Variants in PRKAR1B observed in about 807,000 individuals in gnomAD.
PRKAR1B encodes the protein cAMP-dependent protein kinase type I-beta regulatory subunit.
A neutral mutation model predicts 46.5 loss-of-function variants in PRKAR1B; 22 were observed. The observed-to-expected ratio is 0.47, with a 90% CI of 0.34 to 0.68. PRKAR1B has a LOEUF of 0.68. Ranked by LOEUF, PRKAR1B falls within the 30% of genes least tolerant of loss-of-function variation. The pLI is 0.01. For missense variants in PRKAR1B, 445 were observed against 535.6 expected (o/e 0.83, Z 1.67); for synonymous variants, 259 against 217.7 (o/e 1.19, Z -1.67).
intron 9 of PRKAR1B, among the ~76,000 whole-genome samples, chr7:564,708 A>G (rs903300612): frequency 8.5e-5 from 13 of 152,100 alleles, no homozygotes; most frequent in African/African-American, 2.7e-4. Flanking sequence ...ATGCATCTAT[A>G]AATCCTCACA....
chr7:628,988 C>T (rs1207286933), intron 4 of PRKAR1B, among the ~76,000 whole-genome samples: 1 of 152,198 alleles, frequency 6.6e-6, no homozygotes, highest in Non-Finnish European at 1.5e-5. Flanking sequence ...CCTGTGAGCC[C>T]GTGCCACTCC....
intron 2 of PRKAR1B, among the ~76,000 whole-genome samples, chr7:696,018 G>A (rs920381500): frequency 1.4e-5 from 2 of 147,412 alleles, no homozygotes; most frequent in Admixed American, 1.4e-4. Context: ...ACCCAGGCTG[G>A]AGTATAGTGG....
intron 9 of PRKAR1B, among the ~76,000 whole-genome samples, chr7:573,447 G>A (rs1011348353): frequency 5.3e-5 from 8 of 151,932 alleles, no homozygotes; most frequent in South Asian, 2.1e-4. Flanking sequence ...GAGCCTTTCC[G>A]GGAAGCCTGT....
At chr7:637,963 C>T (rs1398658564) in intron 4 of PRKAR1B, among the ~76,000 whole-genome samples, 1 of 152,254 alleles carries the variant, frequency 6.6e-6, no homozygotes, top group Non-Finnish European at 1.5e-5. Flanking sequence ...TCTTCTGCAG[C>T]CTCTGAAGTG....
At chr7:588,255 G>A (rs542152874) in intron 7 of PRKAR1B, among the ~76,000 whole-genome samples, 9 of 152,266 alleles carry the variant, frequency 5.9e-5, no homozygotes, top group Non-Finnish European at 1.3e-4. Flanking sequence ...CAGCATGGAG[G>A]ACACAGTGGG....
intron 2 of PRKAR1B, chr7:691,864 G>A: frequency 8.6e-7 from 1 of 1,156,176 alleles, no homozygotes; most frequent in Non-Finnish European, 1.1e-6. Flanking sequence ...CATGACAACG[G>A]GCCATCTCAC....
At chr7:639,929 T>C (rs183020930) in intron 4 of PRKAR1B, among the ~76,000 whole-genome samples, 2,652 of 148,794 alleles carry the variant, frequency 0.018, 73 homozygotes, top group African/African-American at 0.062. Context: ...CTTTGGGAGG[T>C]CAAGGTGGGC....
chr7:661,272 C>A, intron 4 of PRKAR1B, among the ~76,000 whole-genome samples: 1 of 51,888 alleles, frequency 1.9e-5, no homozygotes, highest in Admixed American at 1.8e-4. Flanking sequence ...TGGCACAGGT[C>A]CCCACCCCAA....
At chr7:597,325 C>A (rs550997848) in intron 6 of PRKAR1B, among the ~76,000 whole-genome samples, 1 of 152,198 alleles carries the variant, frequency 6.6e-6, no homozygotes, top group African/African-American at 2.4e-5. Context: ...AGGTGTAACT[C>A]CACAATTAGG....
intron 4 of PRKAR1B, among the ~76,000 whole-genome samples, chr7:611,439 G>GA (rs996859481): frequency 6.6e-6 from 1 of 152,250 alleles, no homozygotes; most frequent in African/African-American, 2.4e-5. Flanking sequence ...CAGTTTCCAG[G>GA]AAACGGCCTG....
intron 4 of PRKAR1B, among the ~76,000 whole-genome samples, chr7:608,803 G>A (rs1378194063): frequency 1.4e-5 from 1 of 73,416 alleles, no homozygotes. Context: ...GTCAGTGTGT[G>A]GCAGGGCTGT....
At chr7:685,840 C>A (rs1415329105) in intron 2 of PRKAR1B, among the ~76,000 whole-genome samples, 1 of 152,084 alleles carries the variant, frequency 6.6e-6, no homozygotes, top group African/African-American at 2.4e-5. Context: ...TTTTAACTTT[C>A]AGAATTTACT....
chr7:612,774 T>A (rs1185153693), intron 4 of PRKAR1B, among the ~76,000 whole-genome samples: 1 of 152,150 alleles, frequency 6.6e-6, no homozygotes, highest in Non-Finnish European at 1.5e-5. Context: ...GGGATGACTA[T>A]GAAAAGATGT....
At position 667,060 on chromosome 7, in the gene PRKAR1B, T is replaced by C. The variant is rs1370114658; in HGVS notation, c.440+10169A>G. Among the ~76,000 whole-genome samples, 1 of 151,808 alleles carries C rather than the reference T, an allele frequency of 6.6e-6. No individual in the cohort carries two copies. Among genetic ancestry groups the C allele is most frequent in the African/African-American group, 2.4e-5 (1 of 41,274 alleles). Reference sequence around the variant, plus strand: ...ATGATAATGATGGTGATGATGACAGTGATGATGGTGATGGTGGGGATGGTG... The same window carrying C: ...ATGATAATGATGGTGATGATGACAGCGATGATGGTGATGGTGGGGATGGTG... On this transcript the variant is annotated intron_variant, in intron 4 of 10. Transcript: ENST00000537384. The surrounding 1 kb of genome is among the most constrained non-coding windows in gnomAD (Gnocchi z 4.3).
chr7:550,639 G>T, intron 10 of PRKAR1B, 37 bp from the exon 11 acceptor site: 2 of 1,492,236 alleles, frequency 1.3e-6, no homozygotes, highest in Non-Finnish European at 1.8e-6. Context: ...CTGGGCCTGG[G>T]GGTCCTGAGG....
chr7:628,307 A>G (rs1039162487), intron 4 of PRKAR1B, among the ~76,000 whole-genome samples: 1 of 152,246 alleles, frequency 6.6e-6, no homozygotes, highest in Non-Finnish European at 1.5e-5. Context: ...CGAGCAAGTC[A>G]AAATCGGGGA....
chr7:608,014 C>G (rs1161463981), intron 4 of PRKAR1B: 1 of 153,808 alleles, frequency 6.5e-6, no homozygotes, highest in African/African-American at 2.4e-5. Context: ...AACCAGGAAG[C>G]CTGGCTGTCC....
At chr7:550,897 A>AC (rs1312428896) in intron 10 of PRKAR1B, among the ~76,000 whole-genome samples, 1 of 149,226 alleles carries the variant, frequency 6.7e-6, no homozygotes, top group Non-Finnish European at 1.5e-5. Flanking sequence ...TAGGACCCAG[A>AC]CCCCCAGCTG....
chr7:649,248 T>C (rs1158318251), intron 4 of PRKAR1B, among the ~76,000 whole-genome samples: 24 of 152,270 alleles, frequency 1.6e-4, no homozygotes. Context: ...TGAGTATTTC[T>C]AGCCCATTTC....
Sources: allele counts gnomAD v4.1 joint callset (sites outside exome capture counted in the v4.1 genomes callset), GRCh38; gene constraint gnomAD v4.1.1; non-coding constraint Gnocchi (gnomAD v3.1); transcripts MANE v1.5; gene names NCBI Gene and HGNC (gene_info 2026-07-23, HGNC 2026-07-21).